The following TMEFF2 variants were observed in gnomAD, a reference collection of about 807,000 sequenced individuals.
The protein encoded by TMEFF2 is tomoregulin-2.
TMEFF2 carries 28 observed loss-of-function variants against 53.8 expected under a neutral mutation model. The observed-to-expected ratio is 0.52, with a 90% CI of 0.39 to 0.71. TMEFF2 has a LOEUF of 0.71. Among genes scored for constraint, TMEFF2 ranks in the 30% least tolerant of loss-of-function variants. TMEFF2 has a pLI of 0.00. For missense variants in TMEFF2, 353 were observed against 455.2 expected (o/e 0.78, Z 2.04); for synonymous variants, 162 against 166.3 (o/e 0.97, Z 0.20).
Position 191,956,328 on chromosome 2 carries a change from G to C in TMEFF2, c.796C>G (p.Pro266Ala). The change falls in exon 8 of 10, where the codon CCG becomes GCG. Residue 266 changes from proline (P) to alanine (A), a missense_variant. Physicochemically the swap from Pro to Ala is conservative, Grantham distance 27 (BLOSUM62 -1). This residue lies in a region of TMEFF2 where 294 missense variants were observed against 397.3 expected (regional missense o/e 0.74). Coordinates refer to ENST00000272771, the MANE Select transcript of TMEFF2 (RefSeq NM_016192.4). The stretch of plus-strand genomic sequence containing the variant: ...ATGCAGAAGCCATTGTAATGTTCCG[G>C]ACAAGGTATGTGGTGTTCTCTGGCA... The part of the protein sequence containing the change: ...ESAREHHIPC[P>A]EHYNGFCMHG... 1 of 1,613,996 alleles carries C rather than the reference G, an allele frequency of 6.2e-7. No individual in the cohort carries two copies. The highest frequency in any genetic ancestry group is 8.5e-7 in the Non-Finnish European group (1 of 1,179,928).
chr2:192,079,149 A>T (rs1197921386), intron 4 of TMEFF2, among the ~76,000 whole-genome samples: 1 of 152,220 alleles, frequency 6.6e-6, no homozygotes, highest in Non-Finnish European at 1.5e-5. Flanking sequence ...AGCCACAGCC[A>T]AAAATTGAGC....
chr2:191,986,398 G>A (rs1195677204), intron 7 of TMEFF2, among the ~76,000 whole-genome samples: 3 of 152,102 alleles, frequency 2.0e-5, no homozygotes, highest in African/African-American at 4.8e-5. Flanking sequence ...TAAGATAAGC[G>A]ATCCAATTAT....
intron 7 of TMEFF2, among the ~76,000 whole-genome samples, chr2:191,979,783 G>C (rs1685811537): frequency 6.6e-6 from 1 of 150,856 alleles, no homozygotes; most frequent in Non-Finnish European, 1.5e-5. Flanking sequence ...CTCTAACTAG[G>C]ATCCATTTTG....
At chr2:191,976,724 C>T (rs1685737984) in intron 7 of TMEFF2, among the ~76,000 whole-genome samples, 1 of 152,182 alleles carries the variant, frequency 6.6e-6, no homozygotes, top group Non-Finnish European at 1.5e-5. Context: ...ATAGGAGGCC[C>T]ATGTTGGACA....
intron 4 of TMEFF2, among the ~76,000 whole-genome samples, chr2:192,104,537 A>C (rs1689102565): frequency 6.6e-6 from 1 of 152,134 alleles, no homozygotes. Context: ...TAAAAAATAG[A>C]AAGTGGTTAC....
intron 5 of TMEFF2, among the ~76,000 whole-genome samples, chr2:192,012,138 C>T (rs934119149): frequency 1.3e-5 from 2 of 152,114 alleles, no homozygotes; most frequent in African/African-American, 2.4e-5. Flanking sequence ...CTCCTGACCT[C>T]GTGATCCACC....
intron 4 of TMEFF2, among the ~76,000 whole-genome samples, chr2:192,121,267 AGT>A (rs1689547337): frequency 1.3e-5 from 2 of 152,180 alleles, no homozygotes; most frequent in Non-Finnish European, 2.9e-5. Context: ...CAGATGCCAT[AGT>A]TTGAAAAGAA....
chr2:192,118,596 C>G (rs1329648236), intron 4 of TMEFF2, among the ~76,000 whole-genome samples: 1 of 152,158 alleles, frequency 6.6e-6, no homozygotes, highest in African/African-American at 2.4e-5. Flanking sequence ...GAAGTTGTCT[C>G]AGGAACTGAG....
At chr2:192,176,973 A>C (rs1691060776) in intron 4 of TMEFF2, 1 of 151,138 alleles carries the variant, frequency 6.6e-6, no homozygotes, top group Non-Finnish European at 1.5e-5. Flanking sequence ...TGTTCAGTGT[A>C]CTCCATTTTG....
intron 5 of TMEFF2, among the ~76,000 whole-genome samples, chr2:192,024,914 C>T (rs888905699): frequency 2.0e-5 from 3 of 152,112 alleles, no homozygotes; most frequent in Non-Finnish European, 4.4e-5. Flanking sequence ...TGGATAATTT[C>T]CTATAACCAC....
At chr2:192,046,180 T>C (rs1687616254) in intron 5 of TMEFF2, among the ~76,000 whole-genome samples, 1 of 151,828 alleles carries the variant, frequency 6.6e-6, no homozygotes, top group Non-Finnish European at 1.5e-5. Context: ...ACCTGACTAA[T>C]ATGGTGAAAC....
intron 4 of TMEFF2, among the ~76,000 whole-genome samples, chr2:192,128,574 A>G (rs1689733842): frequency 6.6e-6 from 1 of 152,216 alleles, no homozygotes; most frequent in African/African-American, 2.4e-5. Flanking sequence ...AAGAGTAGAC[A>G]AACAGTATCT....
intron 4 of TMEFF2, among the ~76,000 whole-genome samples, chr2:192,131,484 G>A (rs1689827375): frequency 6.6e-6 from 1 of 152,006 alleles, no homozygotes; most frequent in African/African-American, 2.4e-5. Context: ...CTTTTCTAGG[G>A]GGCAAGAACC....
rs1691956926 is a variant in TMEFF2, at chr2:191,953,625, A to C, written c.1028+54T>G. 3 of 1,573,562 alleles carry C rather than the reference A, an allele frequency of 1.9e-6. No individual in the cohort carries two copies. In the East Asian group the frequency reaches 6.7e-5, roughly 35 times the overall value. ...CACCTCGGAGGGATCTGATTAAATAAAAGAGTAACAATATATCCCTTTATT... is the reference window on the plus strand; with the variant it reads ...CACCTCGGAGGGATCTGATTAAATACAAGAGTAACAATATATCCCTTTATT... On this transcript the variant is annotated intron_variant, in intron 9 of 9. Coordinates refer to ENST00000272771, the MANE Select transcript of TMEFF2 (RefSeq NM_016192.4).
intron 7 of TMEFF2, among the ~76,000 whole-genome samples, chr2:191,963,533 G>A (rs73044391): frequency 0.027 from 4,140 of 152,224 alleles, 175 homozygotes; most frequent in African/African-American, 0.08. Flanking sequence ...TGATGTAACC[G>A]TTTTCTTCTG....
chr2:192,076,387 C>G (rs1418905283), intron 4 of TMEFF2, among the ~76,000 whole-genome samples: 1 of 152,050 alleles, frequency 6.6e-6, no homozygotes, highest in Non-Finnish European at 1.5e-5. Context: ...AATATCTTCT[C>G]TAAATCTTTA....
At chr2:192,007,021 A>C (rs535649919) in intron 5 of TMEFF2, among the ~76,000 whole-genome samples, 75 of 152,354 alleles carry the variant, frequency 4.9e-4, no homozygotes, top group African/African-American at 1.7e-3. Flanking sequence ...TCAGTATCTT[A>C]AAGCAAGTTA....
In TMEFF2 at chr2:192,075,320, T is replaced by TAA. The variant is rs1255621791; in HGVS notation, c.440-17546_440-17545insTT. Among the ~76,000 whole-genome samples the TAA allele has an allele frequency of 1.5e-3, 129 of 87,880 alleles. 3 individuals carry two copies. Among genetic ancestry groups the TAA allele is most frequent in the African/African-American group, 5.0e-3 (123 of 24,768 alleles). 57.7% of individuals were successfully genotyped at this position (87,880 alleles called of 152,430 possible). ...ATATATATATATATATATATATATA[T>TAA]ATATATATATATACATACATACTAT... is the stretch of plus-strand genomic sequence containing the variant. On this transcript the variant is annotated intron_variant, in intron 4 of 9. Transcript: ENST00000272771.
intron 4 of TMEFF2, among the ~76,000 whole-genome samples, chr2:192,174,388 C>T (rs1690986446): frequency 6.6e-6 from 1 of 151,794 alleles, no homozygotes; most frequent in Non-Finnish European, 1.5e-5. Flanking sequence ...CCTCCCTTTT[C>T]ATTTTCCATC....
Sources: gnomAD v4.1 joint callset for allele counts (sites outside exome capture counted in the v4.1 genomes callset) on GRCh38, gnomAD v4.1.1 for gene constraint, gnomAD v4.1.1 regional missense constraint, MANE v1.5 for transcripts, NCBI Gene and HGNC (gene_info 2026-07-23, HGNC 2026-07-21) for gene names.